Variants in SPATA16 observed in about 807,000 individuals in gnomAD.
The protein encoded by SPATA16 is spermatogenesis associated 16.
SPATA16 carries 36 observed loss-of-function variants against 63.3 expected under a neutral mutation model. The ratio of observed to expected loss-of-function variants is 0.57; its 90% CI spans 0.44 to 0.75. The LOEUF is 0.75. SPATA16 is among the 30% of genes least tolerant of loss of function. The probability of loss-of-function intolerance (pLI) is 0.00; values close to 1 mark genes in which losing one functional copy is unlikely to be tolerated. For synonymous variants in SPATA16, 203 were observed against 216.7 expected (o/e 0.94, Z 0.56); for missense variants, 646 against 679.3 (o/e 0.95, Z 0.54).
intron 2 of SPATA16, among the ~76,000 whole-genome samples, chr3:173,096,343 C>T (rs1245375075): frequency 6.6e-6 from 1 of 151,970 alleles, no homozygotes; most frequent in African/African-American, 2.4e-5. Flanking sequence ...CTTACTTGCC[C>T]AAAAGGGACT....
chr3:173,094,130 T>A (rs905381914), intron 2 of SPATA16, among the ~76,000 whole-genome samples: 2 of 152,032 alleles, frequency 1.3e-5, no homozygotes, highest in African/African-American at 4.8e-5. Context: ...TGAAAAATAA[T>A]TAAAAGTGCA....
intron 6 of SPATA16, among the ~76,000 whole-genome samples, chr3:172,956,239 G>T (rs1449440930): frequency 6.6e-6 from 1 of 152,102 alleles, no homozygotes; most frequent in African/African-American, 2.4e-5. Context: ...TTGGATACCA[G>T]TGATTCAAGA....
At chr3:173,051,857 G>T (rs746432888) in intron 2 of SPATA16, among the ~76,000 whole-genome samples, 35 of 151,676 alleles carry the variant, frequency 2.3e-4, no homozygotes, top group Non-Finnish European at 3.8e-4. Context: ...TCTTGCTCAG[G>T]CTGGAGTGTA....
intron 2 of SPATA16, among the ~76,000 whole-genome samples, chr3:173,049,295 A>G (rs1261306445): frequency 6.6e-6 from 1 of 151,952 alleles, no homozygotes; most frequent in African/African-American, 2.4e-5. Flanking sequence ...AATTAAATAA[A>G]TTGTTCCTGT....
At chr3:173,080,497 G>C (rs971367196) in intron 2 of SPATA16, among the ~76,000 whole-genome samples, 2 of 152,274 alleles carry the variant, frequency 1.3e-5, no homozygotes, top group African/African-American at 4.8e-5. Flanking sequence ...GACAGAGCTG[G>C]GGGTGTGATG....
In SPATA16 at chr3:173,117,433, A is replaced by G; in HGVS notation, c.299T>C (p.Ile100Thr). The G allele has an allele frequency of 1.2e-6, 2 of 1,614,138 alleles. No homozygotes were observed. The highest frequency in any genetic ancestry group is 1.7e-6 in the Non-Finnish European group (2 of 1,179,992). Residue 100 changes from isoleucine to threonine, a missense_variant, in exon 2 of 11, where the codon ATA becomes ACA. By Grantham distance (89) the Ile-to-Thr change is moderately conservative. Coordinates refer to ENST00000351008, the MANE Select transcript of SPATA16 (RefSeq NM_031955.6). ...EKPTRKKQAK[I>T]TELDNQLITM... Reference sequence around the variant, plus strand: ...GATTAACTGATTGTCAAGTTCTGTTATCTTTGCCTGTTTCTTTCTAGTTGG... The same window carrying G: ...GATTAACTGATTGTCAAGTTCTGTTGTCTTTGCCTGTTTCTTTCTAGTTGG...
intron 2 of SPATA16, 80 bp downstream of exon 2, chr3:173,117,039 TG>T: frequency 7.4e-7 from 1 of 1,355,354 alleles, no homozygotes; most frequent in Non-Finnish European, 1.1e-6. Context: ...TATTACAGTA[TG>T]GCCAGAACCC....
intron 5 of SPATA16, among the ~76,000 whole-genome samples, chr3:172,969,699 T>C (rs899697745): frequency 1.3e-5 from 2 of 152,180 alleles, no homozygotes; most frequent in African/African-American, 4.8e-5. Context: ...GTTGTGGGTC[T>C]CAATTTTTCC....
intron 2 of SPATA16, among the ~76,000 whole-genome samples, chr3:173,053,138 C>T (rs1450591388): frequency 6.6e-6 from 1 of 152,136 alleles, no homozygotes; most frequent in Non-Finnish European, 1.5e-5. Context: ...GGCGGATCAC[C>T]TGAGGTCAGG....
At chr3:173,006,991 C>T (rs1359390383) in intron 4 of SPATA16, among the ~76,000 whole-genome samples, 3 of 152,210 alleles carry the variant, frequency 2.0e-5, no homozygotes, top group African/African-American at 7.2e-5. Flanking sequence ...GCTAGCAGAT[C>T]ATTCATTTCT....
chr3:173,075,014 G>A (rs9832521), intron 2 of SPATA16, among the ~76,000 whole-genome samples: 24,149 of 137,134 alleles, frequency 0.18, 2,329 homozygotes, highest in African/African-American at 0.27. Context: ...AAAAAAAAAG[G>A]AAAGAAAAGA....
intron 6 of SPATA16, among the ~76,000 whole-genome samples, chr3:172,943,648 G>A (rs1733212462): frequency 6.6e-6 from 1 of 152,198 alleles, no homozygotes; most frequent in African/African-American, 2.4e-5. Flanking sequence ...GCTGAGGTAC[G>A]AGAATTGCTT....
intron 5 of SPATA16, among the ~76,000 whole-genome samples, chr3:172,969,467 G>C (rs1437739028): frequency 6.6e-6 from 1 of 152,144 alleles, no homozygotes; most frequent in Non-Finnish European, 1.5e-5. Flanking sequence ...TATGCCTGGG[G>C]TTGTGCATCA....
chr3:173,060,695 C>T (rs1316414831), intron 2 of SPATA16, among the ~76,000 whole-genome samples: 1 of 152,108 alleles, frequency 6.6e-6, no homozygotes, highest in African/African-American at 2.4e-5. Context: ...TAGTGATTTG[C>T]CCCCATTGAT....
intron 2 of SPATA16, among the ~76,000 whole-genome samples, chr3:173,110,657 A>G (rs901209873): frequency 2.0e-5 from 3 of 152,226 alleles, no homozygotes; most frequent in Non-Finnish European, 4.4e-5. Context: ...ATTATCTATC[A>G]TTTCTACTTA....
intron 2 of SPATA16, among the ~76,000 whole-genome samples, chr3:173,053,864 T>C (rs980596804): frequency 2.0e-5 from 3 of 152,174 alleles, no homozygotes; most frequent in Non-Finnish European, 4.4e-5. Context: ...TTGGAAATTA[T>C]AAAAAAATCT....
intron 1 of SPATA16, among the ~76,000 whole-genome samples, chr3:173,125,838 G>A (rs1440130040): frequency 1.3e-5 from 2 of 152,170 alleles, no homozygotes; most frequent in African/African-American, 2.4e-5. Context: ...CTCAGAATGT[G>A]CTCAAAACAC....
At chr3:173,069,527 T>C (rs1343691473) in intron 2 of SPATA16, among the ~76,000 whole-genome samples, 2 of 152,232 alleles carry the variant, frequency 1.3e-5, no homozygotes, top group East Asian at 1.9e-4. Flanking sequence ...CAGGACCTTA[T>C]GACTTCACTG....
At chr3:173,093,040 A>AACACACACACACACAC (rs57114377) in intron 2 of SPATA16, among the ~76,000 whole-genome samples, 1 of 142,552 alleles carries the variant, frequency 7.0e-6, no homozygotes. Context: ...ATGCACCTAA[A>AACACACACACACACAC]ACACACACAC....
Sources: allele counts gnomAD v4.1 joint callset (sites outside exome capture counted in the v4.1 genomes callset), GRCh38; gene constraint gnomAD v4.1.1; transcripts MANE v1.5; gene names NCBI Gene and HGNC (gene_info 2026-07-23, HGNC 2026-07-21).